The following SLC46A3 variants were observed in gnomAD, a reference collection of about 807,000 sequenced individuals.
SLC46A3 encodes solute carrier family 46 member 3, also known as lysosomal proton-coupled steroid conjugate and bile acid symporter SLC46A3.
Under a neutral mutation model 38.5 loss-of-function variants are expected in SLC46A3, and 26 were observed. The ratio of observed to expected loss-of-function variants is 0.68; its 90% CI spans 0.49 to 0.94. The LOEUF is 0.94. Among genes scored for constraint, SLC46A3 ranks in the 40% least tolerant of loss-of-function variants. The pLI is 0.00. For missense variants in SLC46A3, 510 were observed against 544.3 expected (o/e 0.94, Z 0.63); for synonymous variants, 185 against 192.5 (o/e 0.96, Z 0.32).
chr13:28,704,054 ACTC>A lies in SLC46A3; in HGVS notation c.1187_1189del (p.Gly396del). On this transcript the variant is annotated inframe_deletion, in exon 5 of 6. Coordinates refer to ENST00000266943, the MANE Select transcript of SLC46A3 (RefSeq NM_181785.4). ...TCCATTAAAAGTAGAAACTGCAGTG[ACTC>A]CTCCAAGTGTTTCTAAGAAAGCAAT... The A allele has an allele frequency of 6.2e-7, 1 of 1,612,570 alleles. No individual in the cohort carries two copies. The highest frequency in any genetic ancestry group is 8.5e-7 in the Non-Finnish European group (1 of 1,179,550).
At chr13:28,710,726 G>A in intron 4 of SLC46A3, 34 bp downstream of exon 4, 1 of 1,472,992 alleles carries the variant, frequency 6.8e-7, no homozygotes, top group Non-Finnish European at 9.5e-7. Flanking sequence ...TGTAAAGATG[G>A]TAGATTCATA....
At chr13:28,701,956 A>G (rs1885035093) in intron 5 of SLC46A3, among the ~76,000 whole-genome samples, 1 of 152,148 alleles carries the variant, frequency 6.6e-6, no homozygotes, top group South Asian at 2.1e-4. Flanking sequence ...TAAAATATTG[A>G]GCAGTGTAAG....
At chr13:28,706,380 G>A (rs1451158571) in intron 4 of SLC46A3, among the ~76,000 whole-genome samples, 2 of 152,144 alleles carry the variant, frequency 1.3e-5, no homozygotes, top group Non-Finnish European at 2.9e-5. Flanking sequence ...AAATAATAAT[G>A]AAGGATGCGA....
rs777914278 is a variant in SLC46A3, at chr13:28,703,927, A to AG, written c.1301+15_1301+16insC. 5 of 1,497,386 alleles carry AG rather than the reference A, an allele frequency of 3.3e-6. No homozygotes were observed. The South Asian group carries it at 4.6e-5, about 14-fold the overall frequency. 92.8% of individuals were successfully genotyped at this position (1,497,386 alleles called of 1,614,324 possible). A position where few individuals can be genotyped will look rare whatever the true frequency, so the allele number is the denominator to read the frequency against. ...CCATATACCCTCTGATAAAATGATT[A>AG]AAAATAATGACATACCATAGACTGA... is the stretch of plus-strand genomic sequence containing the variant. On this transcript the variant is annotated intron_variant, in intron 5 of 5. Coordinates refer to ENST00000266943, the MANE Select transcript of SLC46A3 (RefSeq NM_181785.4).
rs10677564 is a variant in SLC46A3 at position 28,716,991 on chromosome 13, G to GAAAA, written c.189+815_189+818dup. Among the ~76,000 whole-genome samples the GAAAA allele has an allele frequency of 5.2e-4, 77 of 147,006 alleles. 1 individual carries two copies. The highest frequency in any genetic ancestry group is 1.8e-3 in the African/African-American group (73 of 40,194). ...GTGATTTGTTTTTGAGGCATTGTAG[G>GAAAA]AAAAAAAAAAAAATTTCCAAACCTG... On this transcript the variant is annotated intron_variant, in intron 2 of 5. Transcript: ENST00000266943.
rs776889950 is a variant in SLC46A3 at position 28,713,385 on chromosome 13, A to C, written c.355T>G (p.Cys119Gly). Reference protein sequence around the residue: ...VGALATSVWLCLLCYFAFPFQ... With the variant: ...VGALATSVWLGLLCYFAFPFQ... ...GGAAAGGCAAAATAGCAAAGCAAACAGAGCCAAACGCTGGTTGCAAGAGCA... is the reference window on the plus strand; with the variant it reads ...GGAAAGGCAAAATAGCAAAGCAAACCGAGCCAAACGCTGGTTGCAAGAGCA... Residue 119 changes from cysteine (C) to glycine (G), a missense_variant, in exon 3 of 6, where the codon TGT becomes GGT. Transcript: ENST00000266943. The C allele has an allele frequency of 6.2e-7, 1 of 1,614,108 alleles. No homozygotes were observed. The highest frequency in any genetic ancestry group is 1.1e-5 in the South Asian group (1 of 91,080).
rs1459104687 is a variant in SLC46A3, at chr13:28,701,419, G to C, written c.*78C>G. 6.4e-7 allele frequency: 1 copy of C among 1,562,020 alleles called. No homozygotes were observed. Among genetic ancestry groups the C allele is most frequent in the East Asian group, 2.3e-5 (1 of 44,148 alleles). ...GGTTCTCAGTGAAGCACTGATTGTG[G>C]AATTCATTTATAGTCTTCAGAAGTC... is the stretch of plus-strand genomic sequence containing the variant. On this transcript the variant is annotated 3_prime_UTR_variant, in exon 6 of 6. Transcript: ENST00000266943.
Position 28,706,156 on chromosome 13 carries a change from G to A in SLC46A3, c.1145-2057C>T, listed in dbSNP as rs551743987. Among the ~76,000 whole-genome samples the A allele has an allele frequency of 1.2e-4, 18 of 152,192 alleles. 1 individual carries two copies. In the South Asian group the frequency reaches 3.7e-3, roughly 32 times the overall value. ...ATTTATAATAACAAGGAGTATATGGGTGATGCCCAGGTAAAATAGTCCAAG... is the reference window on the plus strand; with the variant it reads ...ATTTATAATAACAAGGAGTATATGGATGATGCCCAGGTAAAATAGTCCAAG... On this transcript the variant is annotated intron_variant, in intron 4 of 5. Transcript: ENST00000266943.
intron 2 of SLC46A3, 112 bp downstream of exon 2, chr13:28,717,698 T>C: frequency 9.2e-7 from 1 of 1,092,422 alleles, no homozygotes; most frequent in East Asian, 2.5e-5. Context: ...ATTTAGGACT[T>C]TGATGGCCGC....
rs1477890954 is a variant in SLC46A3, at chr13:28,718,787, T to A, written c.-316A>T. ...GTCCCGAGTGACACCTGCAGGGTTCTCCGGCAGCCCTCGGCTTCCCCGCGG... is the reference window on the plus strand; with the variant it reads ...GTCCCGAGTGACACCTGCAGGGTTCACCGGCAGCCCTCGGCTTCCCCGCGG... On this transcript the variant is annotated 5_prime_UTR_variant, in exon 1 of 6. Coordinates refer to ENST00000266943, the MANE Select transcript of SLC46A3 (RefSeq NM_181785.4). 1 of 152,384 alleles carries A rather than the reference T, an allele frequency of 6.6e-6. No individual in the cohort carries two copies. The highest frequency in any genetic ancestry group is 1.9e-4 in the East Asian group (1 of 5,198). The allele number at this position is 152,384 out of a possible 1,614,324, so 9.4% of individuals were successfully genotyped here.
At chr13:28,709,025 G>A (rs1453010508) in intron 4 of SLC46A3, among the ~76,000 whole-genome samples, 1 of 151,960 alleles carries the variant, frequency 6.6e-6, no homozygotes, top group African/African-American at 2.4e-5. Flanking sequence ...TACATCTTAT[G>A]AGTGAAAAAT....
At chr13:28,713,574 A>G (rs781559464) in intron 2 of SLC46A3, 24 bp from the exon 3 acceptor site, 10 of 1,587,866 alleles carry the variant, frequency 6.3e-6, no homozygotes, top group African/African-American at 1.4e-5. Flanking sequence ...TAAAGAAGAC[A>G]ATGTGTTTAC....
chr13:28,710,474 G>A (rs1030175241), intron 4 of SLC46A3, among the ~76,000 whole-genome samples: 2 of 152,228 alleles, frequency 1.3e-5, no homozygotes, highest in Non-Finnish European at 2.9e-5. Flanking sequence ...GGAAGGAGAT[G>A]TGGTGAGCTC....
At chr13:28,702,618 C>T (rs1419685517) in intron 5 of SLC46A3, among the ~76,000 whole-genome samples, 2 of 152,016 alleles carry the variant, frequency 1.3e-5, no homozygotes, top group African/African-American at 4.8e-5. Flanking sequence ...TTTGTTAATT[C>T]GATAGGTGAA....
At chr13:28,716,185 A>C (rs1885523467) in intron 2 of SLC46A3, among the ~76,000 whole-genome samples, 1 of 152,074 alleles carries the variant, frequency 6.6e-6, no homozygotes, top group Non-Finnish European at 1.5e-5. Flanking sequence ...ATACATAATA[A>C]ACAAAATAAA....
At chr13:28,709,024 T>C (rs9579224) in intron 4 of SLC46A3, among the ~76,000 whole-genome samples, 50,897 of 151,954 alleles carry the variant, frequency 0.33, 9,573 homozygotes, top group Non-Finnish European at 0.42. Context: ...CTACATCTTA[T>C]GAGTGAAAAA....
chr13:28,703,737 C>T, intron 5 of SLC46A3: 1 of 367,834 alleles, frequency 2.7e-6, no homozygotes, highest in Non-Finnish European at 4.8e-6. Context: ...TTCCTGTCAT[C>T]CTTGCACAGG....
Position 28,713,379 on chromosome 13 carries a change from G to A in SLC46A3, c.361C>T (p.Leu121Phe). 2.5e-6 allele frequency: 4 copies of A among 1,614,056 alleles called. No individual in the cohort carries two copies. Among genetic ancestry groups the A allele is most frequent in the Non-Finnish European group, 3.4e-6 (4 of 1,180,022 alleles). Residue 121 changes from leucine to phenylalanine, a missense_variant, in exon 3 of 6, where the codon CTT (leucine) becomes TTT (phenylalanine). By Grantham distance (22) the Leu-to-Phe change is conservative (BLOSUM62 0). Transcript: ENST00000266943. ...TGGAATGGAAAGGCAAAATAGCAAA[G>A]CAAACAGAGCCAAACGCTGGTTGCA... is the stretch of plus-strand genomic sequence containing the variant. ...ALATSVWLCL[L>F]CYFAFPFQLL...
At position 28,703,961 on chromosome 13, in the gene SLC46A3, A is replaced by C; in HGVS notation, c.1283T>G (p.Leu428Arg). The part of the protein sequence containing the change: ...TFLLSAGLLL[L>R]PAISLCVVKC... ...GACATACCATAGACTGATGGCTGGA[A>C]GTAGTAACAGACCAGCAGACAGCAG... Residue 428 changes from leucine to arginine, a missense_variant, in exon 5 of 6, where the codon CTT becomes CGT. Transcript: ENST00000266943. The C allele has an allele frequency of 6.2e-7, 1 of 1,613,686 alleles. No homozygotes were observed. Among genetic ancestry groups the C allele is most frequent in the East Asian group, 2.2e-5 (1 of 44,860 alleles).
Sources: allele counts gnomAD v4.1 joint callset (sites outside exome capture counted in the v4.1 genomes callset), GRCh38; gene constraint gnomAD v4.1.1; transcripts MANE v1.5; gene names NCBI Gene and HGNC (gene_info 2026-07-23, HGNC 2026-07-21).